RALGPS2: variants seen among roughly 807,000 people sequenced by gnomAD.
RALGPS2 encodes the protein Ral GEF with PH domain and SH3 binding motif 2, also known as ras-specific guanine nucleotide-releasing factor RalGPS2.
In RALGPS2, 43 loss-of-function variants were observed where a neutral mutation model predicts 86.8. The observed-to-expected ratio is 0.50, with a 90% CI of 0.39 to 0.64. RALGPS2 has a LOEUF of 0.64. Ranked by LOEUF, RALGPS2 falls within the 30% of genes least tolerant of loss-of-function variation. The probability of loss-of-function intolerance (pLI) is 0.00; values close to 1 mark genes in which losing one functional copy is unlikely to be tolerated. For synonymous variants in RALGPS2, 243 were observed against 231.3 expected (o/e 1.05, Z -0.46); for missense variants, 536 against 694.6 (o/e 0.77, Z 2.57).
intron 1 of RALGPS2, among the ~76,000 whole-genome samples, chr1:178,758,756 C>T (rs1296501807): frequency 6.6e-6 from 1 of 152,132 alleles, no homozygotes; most frequent in African/African-American, 2.4e-5. Flanking sequence ...CTGAATAGTA[C>T]TCCATGATGT....
At chr1:178,775,629 G>A (rs1653042362) in intron 1 of RALGPS2, among the ~76,000 whole-genome samples, 1 of 152,122 alleles carries the variant, frequency 6.6e-6, no homozygotes, top group Admixed American at 6.5e-5. Flanking sequence ...TGGAAAATCT[G>A]TGTTGTGAAA....
At chr1:178,865,807 T>C in intron 8 of RALGPS2, 2 of 1,501,926 alleles carry the variant, frequency 1.3e-6, no homozygotes, top group Non-Finnish European at 1.8e-6. Flanking sequence ...TGATGTCTTT[T>C]GAAAAACAAA....
intron 17 of RALGPS2, among the ~76,000 whole-genome samples, chr1:178,899,838 G>A (rs1202546021): frequency 2.0e-5 from 3 of 151,708 alleles, no homozygotes; most frequent in Non-Finnish European, 2.9e-5. Flanking sequence ...TAAATGCAAT[G>A]TATGTCTTTT....
intron 4 of RALGPS2, among the ~76,000 whole-genome samples, chr1:178,802,748 G>T (rs1572347596): frequency 6.6e-6 from 1 of 152,166 alleles, no homozygotes; most frequent in East Asian, 1.9e-4. Context: ...GCATATGGCA[G>T]CATGTAAGGT....
At position 178,868,476 on chromosome 1, in the gene RALGPS2, A is replaced by C. The variant is rs182941317; in HGVS notation, c.608-9022A>C. On this transcript the variant is annotated intron_variant, in intron 8 of 19. Transcript: ENST00000367635. ...TGAAATAAACTACCAAAACAAGGAA[A>C]ATGCAGGAAGTAATATAAAACTCTA... Among the ~76,000 whole-genome samples, 6 of 152,132 alleles carry C rather than the reference A, an allele frequency of 3.9e-5. No individual in the cohort carries two copies. In the East Asian group the frequency reaches 1.2e-3, roughly 29 times the overall value.
intron 8 of RALGPS2, among the ~76,000 whole-genome samples, chr1:178,839,795 A>G (rs1656489692): frequency 6.6e-6 from 1 of 152,232 alleles, no homozygotes; most frequent in Admixed American, 6.5e-5. Context: ...ACATAGGCTC[A>G]AAATAAAGGG....
intron 1 of RALGPS2, among the ~76,000 whole-genome samples, chr1:178,735,601 CTT>C (rs1299543356): frequency 4.8e-5 from 2 of 41,396 alleles, no homozygotes; most frequent in Non-Finnish European, 4.9e-5. Flanking sequence ...TTTTTGTATT[CTT>C]TTTTTTTTTT....
At chr1:178,780,097 C>G (rs1220606904) in intron 2 of RALGPS2, among the ~76,000 whole-genome samples, 1 of 152,132 alleles carries the variant, frequency 6.6e-6, no homozygotes. Context: ...AATCTGCTAG[C>G]AAGACAGAAG....
intron 8 of RALGPS2, among the ~76,000 whole-genome samples, chr1:178,872,152 C>T (rs180723273): frequency 2.6e-5 from 4 of 152,292 alleles, no homozygotes; most frequent in Non-Finnish European, 5.9e-5. Flanking sequence ...TCTCTACATA[C>T]CTGTGCTTTC....
intron 4 of RALGPS2, among the ~76,000 whole-genome samples, chr1:178,791,287 ATTTT>A (rs563179993): frequency 2.3e-5 from 3 of 128,318 alleles, no homozygotes; most frequent in African/African-American, 2.9e-5. Context: ...CACCTGCCTA[ATTTT>A]TTTTTTTTTT....
chr1:178,730,778 C>T (rs1215386192), intron 1 of RALGPS2, among the ~76,000 whole-genome samples: 4 of 151,596 alleles, frequency 2.6e-5, no homozygotes, highest in Admixed American at 6.6e-5. Context: ...CTCGGCTCAC[C>T]ACAACCTCTG....
chr1:178,878,135 C>T (rs74465288), intron 9 of RALGPS2, among the ~76,000 whole-genome samples: 1 of 151,978 alleles, frequency 6.6e-6, no homozygotes, highest in African/African-American at 2.4e-5. Flanking sequence ...GTCAGACTAT[C>T]GAGTAAATAG....
At chr1:178,761,791 C>G (rs1652255670) in intron 1 of RALGPS2, among the ~76,000 whole-genome samples, 1 of 152,042 alleles carries the variant, frequency 6.6e-6, no homozygotes, top group Admixed American at 6.6e-5. Context: ...AAACTCCTGA[C>G]CTCAAATGAT....
intron 6 of RALGPS2, among the ~76,000 whole-genome samples, chr1:178,819,706 ATAT>A (rs1037348797): frequency 1.3e-5 from 2 of 152,176 alleles, no homozygotes; most frequent in Non-Finnish European, 2.9e-5. Flanking sequence ...ATCTTACCCA[ATAT>A]TTTTAATTAT....
chr1:178,878,840 A>G, intron 9 of RALGPS2, 62 bp from the exon 10 acceptor site: 1 of 1,576,006 alleles, frequency 6.3e-7, no homozygotes, highest in Non-Finnish European at 8.6e-7. Context: ...TTTTCAGCTT[A>G]ATTTTTAAAG....
intron 8 of RALGPS2, among the ~76,000 whole-genome samples, chr1:178,847,395 G>A (rs1000020725): frequency 2.0e-5 from 3 of 152,126 alleles, no homozygotes; most frequent in South Asian, 2.1e-4. Context: ...GCAGTGAGCC[G>A]AGATTGTGCC....
intron 1 of RALGPS2, among the ~76,000 whole-genome samples, chr1:178,737,023 ACT>A (rs902614521): frequency 6.6e-6 from 1 of 152,064 alleles, no homozygotes; most frequent in Non-Finnish European, 1.5e-5. Context: ...AAAAATATTA[ACT>A]CTTTGTCTCT....
chr1:178,784,588 G>T, intron 3 of RALGPS2, 66 bp downstream of exon 3: 1 of 1,221,580 alleles, frequency 8.2e-7, no homozygotes, highest in Non-Finnish European at 1.1e-6. Context: ...TATTGAGTTA[G>T]AATTTGTAGG....
chr1:178,753,947 T>G (rs1194022516), intron 1 of RALGPS2, among the ~76,000 whole-genome samples: 1 of 152,024 alleles, frequency 6.6e-6, no homozygotes, highest in Non-Finnish European at 1.5e-5. Flanking sequence ...TTCTCCTGCC[T>G]CAGCCTCCCG....
Sources: allele counts gnomAD v4.1 joint callset (sites outside exome capture counted in the v4.1 genomes callset), GRCh38; gene constraint gnomAD v4.1.1; transcripts MANE v1.5; gene names NCBI Gene and HGNC (gene_info 2026-07-23, HGNC 2026-07-21).